OSGIN2: variants seen among roughly 807,000 people sequenced by gnomAD.
OSGIN2 encodes oxidative stress-induced growth inhibitor 2.
A neutral mutation model predicts 53.8 loss-of-function variants in OSGIN2; 19 were observed. That is an observed-to-expected ratio of 0.35 (90% CI 0.25 to 0.52). OSGIN2 has a LOEUF of 0.52. Among genes scored for constraint, OSGIN2 ranks in the 20% least tolerant of loss-of-function variants. The probability of loss-of-function intolerance (pLI) is 0.95; values close to 1 mark genes in which losing one functional copy is unlikely to be tolerated. For synonymous variants in OSGIN2, 236 were observed against 236.0 expected (o/e 1.00, Z 0.00); for missense variants, 520 against 662.7 (o/e 0.78, Z 2.36).
chr8:89,920,252 T>C lies in OSGIN2; in HGVS notation c.529-828T>C, dbSNP rs1004995750. Among the ~76,000 whole-genome samples, 9 of 152,136 alleles carry C rather than the reference T, an allele frequency of 5.9e-5. No individual in the cohort carries two copies. The East Asian group carries it at 1.7e-3, about 29-fold the overall frequency. On this transcript the variant is annotated intron_variant, in intron 4 of 5. Transcript: ENST00000451899. ...ATTTGTATATAGTCACAAATGAGGTTTCACAGGGCCTAGTACATAGTAAGT... is the reference window on the plus strand; with the variant it reads ...ATTTGTATATAGTCACAAATGAGGTCTCACAGGGCCTAGTACATAGTAAGT...
chr8:89,908,984 C>T (rs1277547329), intron 1 of OSGIN2, among the ~76,000 whole-genome samples: 2 of 114,962 alleles, frequency 1.7e-5, no homozygotes, highest in Non-Finnish European at 3.3e-5. Flanking sequence ...ATACTCCAGC[C>T]TGGGTGACAG....
Position 89,914,724 on chromosome 8 carries a change from G to A in OSGIN2, c.506G>A (p.Gly169Asp). The part of the protein sequence containing the change: ...HYIPHVVLGK[G>D]PPGGAWHNME... The stretch of plus-strand genomic sequence containing the variant: ...ATCCCTCACGTAGTTCTTGGTAAAG[G>A]TCCACCTGGTGGGGCTTGGCATGTG... Residue 169 changes from glycine (G) to aspartate (D), a missense_variant, in exon 4 of 6, where the codon GGT becomes GAT. Transcript: ENST00000451899. 6.2e-7 allele frequency: 1 copy of A among 1,613,498 alleles called. No homozygotes were observed. The highest frequency in any genetic ancestry group is 8.5e-7 in the Non-Finnish European group (1 of 1,179,530).
intron 1 of OSGIN2, 52 bp downstream of exon 1, chr8:89,902,889 C>T: frequency 7.9e-7 from 1 of 1,270,340 alleles, no homozygotes; most frequent in Non-Finnish European, 1.0e-6. Context: ...GCCGCGCTCT[C>T]GAGCTTTTTG....
chr8:89,903,700 T>C (rs967375977), intron 1 of OSGIN2, among the ~76,000 whole-genome samples: 3 of 152,224 alleles, frequency 2.0e-5, no homozygotes, highest in Non-Finnish European at 2.9e-5. Flanking sequence ...AAAACTAATA[T>C]TCAGTTAAAA....
At chr8:89,920,540 G>A (rs1206498168) in intron 4 of OSGIN2, among the ~76,000 whole-genome samples, 1 of 152,178 alleles carries the variant, frequency 6.6e-6, no homozygotes, top group African/African-American at 2.4e-5. Context: ...GGCATCCACT[G>A]CCTATTTCTG....
rs984720427 is a variant in OSGIN2 at position 89,927,454 on chromosome 8, T to A, written c.*1922T>A. ...CATTTGGGCATTTTCTCTGATATAC[T>A]ATACTCTCATGTTCTATAAATTTCT... On this transcript the variant is annotated 3_prime_UTR_variant, in exon 6 of 6. Coordinates refer to ENST00000451899, the MANE Select transcript of OSGIN2 (RefSeq NM_001126111.3). 54 of 152,258 alleles carry A rather than the reference T, an allele frequency of 3.5e-4. No individual in the cohort carries two copies. The highest frequency in any genetic ancestry group is 1.2e-3 in the African/African-American group (50 of 41,474). The allele number at this position is 152,258 out of a possible 1,614,324, so 9.4% of individuals were successfully genotyped here. A position where few individuals can be genotyped will look rare whatever the true frequency, so the allele number is the denominator to read the frequency against.
In OSGIN2 at chr8:89,921,013, C is replaced by T. The variant is rs1220657813; in HGVS notation, c.529-67C>T. 4.5e-5 allele frequency: 43 copies of T among 953,564 alleles called. No individual in the cohort carries two copies. In the East Asian group the frequency reaches 1.0e-3, roughly 23 times the overall value. The allele number at this position is 953,564 out of a possible 1,614,324, so 59.1% of individuals were successfully genotyped here. On this transcript the variant is annotated intron_variant, in intron 4 of 5. Coordinates refer to ENST00000451899, the MANE Select transcript of OSGIN2 (RefSeq NM_001126111.3). ...AAATGAGATGGATATGGTTAAAAAA[C>T]AGACCAAAAAAAACCATGTTACTTC...
intron 1 of OSGIN2, among the ~76,000 whole-genome samples, chr8:89,903,608 T>C (rs1236671352): frequency 6.6e-6 from 1 of 152,218 alleles, no homozygotes; most frequent in Non-Finnish European, 1.5e-5. Context: ...TGATCAAGCC[T>C]TCCTAAATAG....
rs142999162 is a variant in OSGIN2, at chr8:89,911,886, C to G, written c.199+2165C>G. 1.3e-5 allele frequency among the ~76,000 whole-genome samples: 2 copies of G among 151,544 alleles called. 1 individual carries two copies. The highest frequency in any genetic ancestry group is 4.2e-4 in the South Asian group (2 of 4,816). On this transcript the variant is annotated intron_variant, in intron 2 of 5. Transcript: ENST00000451899. The stretch of plus-strand genomic sequence containing the variant: ...CCGTGAGGCAGAGGTTGCAATGAGC[C>G]GAGATCGCACCACTGTACTCCAGCT...
rs763405365 is a variant in OSGIN2 at position 89,914,532 on chromosome 8, CT to C, written c.337-22del. On this transcript the variant is annotated intron_variant, in intron 3 of 5. Coordinates refer to ENST00000451899, the MANE Select transcript of OSGIN2 (RefSeq NM_001126111.3). The stretch of plus-strand genomic sequence containing the variant: ...GGGAAATGCTGGCTTTTTTCAAACT[CT>C]GTCTCCCTTTTGTTCATTCAGGACT... 3 of 1,590,814 alleles carry C rather than the reference CT, an allele frequency of 1.9e-6. No individual in the cohort carries two copies. The East Asian group carries it at 6.7e-5, about 36-fold the overall frequency.
Position 89,925,179 on chromosome 8 carries a change from G to C in OSGIN2, c.1297G>C (p.Asp433His). ...GCACCGTGTGCTTTCCTTTAAGTCG[G>C]ACATGAAATGTGTTCTCCAAAGCGT... ...PEHRVLSFKSDMKCVLQSVSG... is the reference protein window; with the variant it reads ...PEHRVLSFKSHMKCVLQSVSG... The change falls in exon 6 of 6, where the codon GAC becomes CAC. Residue 433 changes from aspartate (D) to histidine (H), a missense_variant. Physicochemically the swap from Asp to His is moderately conservative, Grantham distance 81. Around this residue, in one of 3 missense-constraint regions of OSGIN2, gnomAD observed 239 missense variants for 328.3 expected, o/e 0.73. Transcript: ENST00000451899. 1 of 1,614,048 alleles carries C rather than the reference G, an allele frequency of 6.2e-7. No homozygotes were observed. Among genetic ancestry groups the C allele is most frequent in the Non-Finnish European group, 8.5e-7 (1 of 1,179,974 alleles).
chr8:89,906,165 G>A (rs532654205), intron 1 of OSGIN2, among the ~76,000 whole-genome samples: 19 of 152,208 alleles, frequency 1.2e-4, no homozygotes, highest in African/African-American at 3.1e-4. Context: ...GTTTCATCAC[G>A]CAGGTATTAA....
chr8:89,920,551 T>G (rs1809176204), intron 4 of OSGIN2, among the ~76,000 whole-genome samples: 1 of 152,316 alleles, frequency 6.6e-6, no homozygotes, highest in African/African-American at 2.4e-5. Context: ...CCTATTTCTG[T>G]ATCCTTAAGA....
chr8:89,920,873 GATA>G (rs1248800507), intron 4 of OSGIN2, among the ~76,000 whole-genome samples: 1 of 152,098 alleles, frequency 6.6e-6, no homozygotes, highest in Non-Finnish European at 1.5e-5. Context: ...AGGTTGTCGG[GATA>G]ATATCAAGTG....
chr8:89,907,825 T>C (rs906130408), intron 1 of OSGIN2, among the ~76,000 whole-genome samples: 1 of 152,228 alleles, frequency 6.6e-6, no homozygotes, highest in Non-Finnish European at 1.5e-5. Context: ...GGGAATAGCA[T>C]TGTATCTATA....
rs1056194198 is a variant in OSGIN2 at position 89,925,613 on chromosome 8, T to A, written c.*81T>A. ...GGTTTTGCAGTGTACTGGCTTGAATTTTCTGGACTTGAGTTAACTGAAGGA... is the reference window on the plus strand; with the variant it reads ...GGTTTTGCAGTGTACTGGCTTGAATATTCTGGACTTGAGTTAACTGAAGGA... On this transcript the variant is annotated 3_prime_UTR_variant, in exon 6 of 6. Coordinates refer to ENST00000451899, the MANE Select transcript of OSGIN2 (RefSeq NM_001126111.3). 5 of 1,090,860 alleles carry A rather than the reference T, an allele frequency of 4.6e-6. No individual in the cohort carries two copies. The South Asian group carries it at 8.1e-5, about 18-fold the overall frequency. 67.6% of individuals were successfully genotyped at this position (1,090,860 alleles called of 1,614,324 possible). A position where few individuals can be genotyped will look rare whatever the true frequency, so the allele number is the denominator to read the frequency against.
chr8:89,904,218 C>G (rs1808789379), intron 1 of OSGIN2, among the ~76,000 whole-genome samples: 1 of 152,188 alleles, frequency 6.6e-6, no homozygotes, highest in Admixed American at 6.5e-5. Context: ...ATAGGTTCCC[C>G]TAGTGAAACT....
intron 2 of OSGIN2, 130 bp from the exon 3 acceptor site, chr8:89,913,947 T>C (rs1426261970): frequency 1.3e-6 from 1 of 744,402 alleles, no homozygotes; most frequent in African/African-American, 1.8e-5. Flanking sequence ...TCATGAAACA[T>C]CTGGTTTTAA....
At chr8:89,905,593 T>C (rs1324552814) in intron 1 of OSGIN2, among the ~76,000 whole-genome samples, 1 of 152,256 alleles carries the variant, frequency 6.6e-6, no homozygotes, top group Non-Finnish European at 1.5e-5. Context: ...TGAATCACAC[T>C]TTCCGTTTTT....
Sources: gnomAD v4.1 joint callset for allele counts (sites outside exome capture counted in the v4.1 genomes callset) on GRCh38, gnomAD v4.1.1 for gene constraint, gnomAD v4.1.1 regional missense constraint, MANE v1.5 for transcripts, NCBI Gene and HGNC (gene_info 2026-07-23, HGNC 2026-07-21) for gene names.